The following AGFG1 variants were observed in gnomAD, a reference collection of about 807,000 sequenced individuals.
AGFG1 encodes the protein arf-GAP domain and FG repeat-containing protein 1.
A neutral mutation model predicts 60.6 loss-of-function variants in AGFG1; 10 were observed. That is an observed-to-expected ratio of 0.16 (90% CI 0.10 to 0.28). The LOEUF (loss-of-function observed/expected upper bound fraction) is 0.28, where lower values mean the gene tolerates loss of function less well. AGFG1 is among the 10% of genes least tolerant of loss of function. The pLI, the probability that AGFG1 is intolerant of heterozygous loss-of-function variation, is 1.00. For missense variants in AGFG1, 537 were observed against 676.5 expected (o/e 0.79, Z 2.29); for synonymous variants, 247 against 242.9 (o/e 1.02, Z -0.16).
At chr2:227,529,047 C>CT (rs552804948) in intron 5 of AGFG1, among the ~76,000 whole-genome samples, 1 of 151,868 alleles carries the variant, frequency 6.6e-6, no homozygotes, top group Non-Finnish European at 1.5e-5. Context: ...CTCAGATTAC[C>CT]TTTTTTTTCT....
At chr2:227,518,863 C>G (rs1390264981) in intron 2 of AGFG1, among the ~76,000 whole-genome samples, 1 of 152,104 alleles carries the variant, frequency 6.6e-6, no homozygotes, top group African/African-American at 2.4e-5. Flanking sequence ...TTTGTTCAGA[C>G]CTTTTGCCCC....
intron 1 of AGFG1, among the ~76,000 whole-genome samples, chr2:227,475,263 C>T (rs1003487972): frequency 5.3e-5 from 8 of 152,190 alleles, no homozygotes; most frequent in African/African-American, 1.9e-4. Flanking sequence ...CCTGGGTATA[C>T]TGCCTTAATT....
chr2:227,551,664 T>G (rs956669500), intron 10 of AGFG1, among the ~76,000 whole-genome samples: 1 of 152,220 alleles, frequency 6.6e-6, no homozygotes, highest in African/African-American at 2.4e-5. Context: ...AACACAAGAC[T>G]ACTGTTTAGA....
intron 1 of AGFG1, among the ~76,000 whole-genome samples, chr2:227,484,688 GTTT>G (rs745570416): frequency 0.086 from 2,097 of 24,312 alleles, 14 homozygotes; most frequent in Non-Finnish European, 0.11. Flanking sequence ...TTTTTTTTTT[GTTT>G]TTTTTTTTTT....
In AGFG1 at chr2:227,472,409, T is replaced by C; in HGVS notation, c.-13T>C. The C allele has an allele frequency of 6.9e-7, 1 of 1,457,338 alleles. No homozygotes were observed. The highest frequency in any genetic ancestry group is 1.5e-5 in the African/African-American group (1 of 67,670). 90.3% of individuals were successfully genotyped at this position (1,457,338 alleles called of 1,614,324 possible). ...TCCCGGCCCTGCCGGCCTCCTCCCT[T>C]GGCGCCGCGGCCATGGCGGCCAGCG... is the stretch of plus-strand genomic sequence containing the variant. On this transcript the variant is annotated 5_prime_UTR_variant, in exon 1 of 13. Transcript: ENST00000310078.
Position 227,554,700 on chromosome 2 carries a change from A to G in AGFG1, c.*205A>G. Reference sequence around the variant, plus strand: ...CTTCTAACCTGTGAATTGGCAGAAAAGGGTAGCGGTATCATGTATATTAAA... The same window carrying G: ...CTTCTAACCTGTGAATTGGCAGAAAGGGGTAGCGGTATCATGTATATTAAA... On this transcript the variant is annotated 3_prime_UTR_variant, in exon 13 of 13. Coordinates refer to ENST00000310078, the MANE Select transcript of AGFG1 (RefSeq NM_004504.5). The G allele has an allele frequency of 2.1e-6, 1 of 471,166 alleles. No homozygotes were observed. The highest frequency in any genetic ancestry group is 3.8e-6 in the Non-Finnish European group (1 of 265,176). The allele number at this position is 471,166 out of a possible 1,614,324, so 29.2% of individuals were successfully genotyped here. A position where few individuals can be genotyped will look rare whatever the true frequency, so the allele number is the denominator to read the frequency against.
In AGFG1 at chr2:227,536,971, G is replaced by T. The variant is rs201635508; in HGVS notation, c.1356G>T (p.Gln452His). The part of the protein sequence containing the change: ...PSVASSTNPF[Q>H]TNARGATAAT... The stretch of plus-strand genomic sequence containing the variant: ...TGGCATCTTCTACAAACCCATTTCA[G>T]ACCAATGCCAGAGGAGCAACAGGTA... The change falls in exon 10 of 13, where the codon CAG becomes CAT. Residue 452 changes from glutamine (Q) to histidine (H), a missense_variant. Gln to His is a conservative substitution (Grantham distance 24). Transcript: ENST00000310078. 107 of 1,612,904 alleles carry T rather than the reference G, an allele frequency of 6.6e-5. No homozygotes were observed. In the East Asian group the frequency reaches 2.3e-3, roughly 35 times the overall value.
At chr2:227,511,036 C>T (rs980015042) in intron 2 of AGFG1, among the ~76,000 whole-genome samples, 3 of 152,134 alleles carry the variant, frequency 2.0e-5, no homozygotes, top group African/African-American at 7.2e-5. Flanking sequence ...ATTAATCTTT[C>T]ACCAAAACTT....
At position 227,519,965 on chromosome 2, in the gene AGFG1, G is replaced by T. The variant is rs1472030086; in HGVS notation, c.279G>T (p.Trp93Cys). 6.3e-7 allele frequency: 1 copy of T among 1,584,382 alleles called. No individual in the cohort carries two copies. Residue 93 changes from tryptophan (W) to cysteine (C), a missense_variant, in exon 3 of 13, where the codon TGG becomes TGT. Coordinates refer to ENST00000310078, the MANE Select transcript of AGFG1 (RefSeq NM_004504.5). Reference protein sequence around the residue: ...KHGNEVCKQIWLGLFDDRSSA... With the variant: ...KHGNEVCKQICLGLFDDRSSA... ...TTCCAAAGGTCTGTAAACAGATTTG[G>T]CTAGGATTATTTGATGATAGATCTT...
chr2:227,491,498 A>T (rs538346084), intron 1 of AGFG1, 49 bp from the exon 2 acceptor site: 1 of 1,212,228 alleles, frequency 8.2e-7, no homozygotes, highest in Admixed American at 2.6e-5. Context: ...GTGTCATTTT[A>T]AAAATGTGGT....
intron 2 of AGFG1, among the ~76,000 whole-genome samples, chr2:227,514,444 C>T (rs924800443): frequency 6.6e-5 from 10 of 152,082 alleles, no homozygotes; most frequent in African/African-American, 2.2e-4. Flanking sequence ...TCTTTACCTC[C>T]TGACCCCGCA....
chr2:227,551,665 A>G (rs965105526), intron 10 of AGFG1, among the ~76,000 whole-genome samples: 2 of 152,190 alleles, frequency 1.3e-5, no homozygotes, highest in South Asian at 2.1e-4. Flanking sequence ...ACACAAGACT[A>G]CTGTTTAGAC....
chr2:227,472,988 G>C (rs955112772), intron 1 of AGFG1, among the ~76,000 whole-genome samples: 8 of 151,574 alleles, frequency 5.3e-5, no homozygotes, highest in Admixed American at 3.9e-4. Context: ...AGGAGGCCGG[G>C]GGGGAGGTCC....
At chr2:227,488,799 C>T (rs1485040657) in intron 1 of AGFG1, among the ~76,000 whole-genome samples, 1 of 152,102 alleles carries the variant, frequency 6.6e-6, no homozygotes, top group Non-Finnish European at 1.5e-5. Flanking sequence ...TAAATTTTCA[C>T]TTTTGGAAAT....
intron 10 of AGFG1, among the ~76,000 whole-genome samples, chr2:227,549,097 C>CTT (rs1319172306): frequency 1.3e-5 from 2 of 151,618 alleles, no homozygotes; most frequent in Admixed American, 1.3e-4. Context: ...GCAAAGCACT[C>CTT]TAATTCGTTG....
chr2:227,475,276 G>A (rs1449178702), intron 1 of AGFG1, among the ~76,000 whole-genome samples: 1 of 152,186 alleles, frequency 6.6e-6, no homozygotes, highest in Admixed American at 6.5e-5. Context: ...CCTTAATTAT[G>A]TCGTTGGTCC....
chr2:227,531,359 C>G, intron 6 of AGFG1, 149 bp downstream of exon 6: 1 of 943,662 alleles, frequency 1.1e-6, no homozygotes, highest in Admixed American at 3.0e-5. Flanking sequence ...GAAACCTGAA[C>G]TCTTTATTTT....
chr2:227,531,965 C>G (rs1692175713), intron 6 of AGFG1, among the ~76,000 whole-genome samples: 1 of 152,182 alleles, frequency 6.6e-6, no homozygotes, highest in South Asian at 2.1e-4. Flanking sequence ...ATTGAATACT[C>G]TTTCCATAAA....
chr2:227,521,043 A>C (rs1691810906), intron 3 of AGFG1, among the ~76,000 whole-genome samples: 1 of 149,332 alleles, frequency 6.7e-6, no homozygotes, highest in Non-Finnish European at 1.5e-5. Flanking sequence ...TTGTATTCTT[A>C]CTACTTTCCA....
Sources: gnomAD v4.1 joint callset for allele counts (sites outside exome capture counted in the v4.1 genomes callset) on GRCh38, gnomAD v4.1.1 for gene constraint, MANE v1.5 for transcripts, NCBI Gene and HGNC (gene_info 2026-07-23, HGNC 2026-07-21) for gene names.